Variants in EMB observed in about 807,000 individuals in gnomAD.
The protein encoded by EMB is embigin homolog.
In EMB, 31 loss-of-function variants were observed where a neutral mutation model predicts 41.4. The ratio of observed to expected loss-of-function variants is 0.75; its 90% CI spans 0.56 to 1.01. The LOEUF is 1.01. Ranked by LOEUF, EMB falls within the 50% of genes least tolerant of loss-of-function variation. The pLI, the probability that EMB is intolerant of heterozygous loss-of-function variation, is 0.00. For synonymous variants in EMB, 137 were observed against 140.4 expected, an observed-to-expected ratio of 0.98 and a Z score of 0.17; for missense variants, 379 against 388.3, an observed-to-expected ratio of 0.98 and a Z score of 0.20.
chr5:50,417,915 T>C (rs1005765589), intron 2 of EMB, among the ~76,000 whole-genome samples: 2 of 152,234 alleles, frequency 1.3e-5, no homozygotes, highest in African/African-American at 2.4e-5. Flanking sequence ...GAGATGCTAG[T>C]TGAATTTCAC....
At chr5:50,437,586 T>C (rs1745825755) in intron 1 of EMB, among the ~76,000 whole-genome samples, 1 of 152,210 alleles carries the variant, frequency 6.6e-6, no homozygotes, top group African/African-American at 2.4e-5. Flanking sequence ...GATGCTCAAT[T>C]TGTCCCAGAT....
intron 2 of EMB, among the ~76,000 whole-genome samples, chr5:50,426,232 T>C (rs1422581228): frequency 6.6e-6 from 1 of 152,192 alleles, no homozygotes; most frequent in African/African-American, 2.4e-5. Flanking sequence ...AAGCTCCAAC[T>C]CAGGAACTGT....
chr5:50,438,791 T>C (rs1362823885), intron 1 of EMB, among the ~76,000 whole-genome samples: 1 of 152,292 alleles, frequency 6.6e-6, no homozygotes, highest in Middle Eastern at 3.4e-3. Context: ...AATTTTAGCT[T>C]ACGTGGAGCT....
chr5:50,418,584 AT>A (rs1304133974), intron 2 of EMB, among the ~76,000 whole-genome samples: 3 of 152,222 alleles, frequency 2.0e-5, no homozygotes, highest in African/African-American at 4.8e-5. Flanking sequence ...TCACTCACTC[AT>A]TTAACACTTA....
Position 50,428,196 on chromosome 5 carries a change from TTC to T in EMB, c.142_143del (p.Glu48ArgfsTer6), listed in dbSNP as rs1163599478. 5.6e-6 allele frequency: 9 copies of T among 1,612,278 alleles called. No individual in the cohort carries two copies. ...AGGAAAAGTTATTTGCCATTATTTC[TTC>T]TCTGAGAGGTGGACTTGTAAAAGGC... ...DSPFTSPPLR[E>X]EIMANNFSLE... On this transcript the variant is annotated frameshift_variant, in exon 2 of 9. Coordinates refer to ENST00000303221, the MANE Select transcript of EMB (RefSeq NM_198449.3). LOFTEE classifies it high-confidence loss of function.
At chr5:50,404,437 C>G (rs1417346667) in intron 5 of EMB, among the ~76,000 whole-genome samples, 1 of 151,926 alleles carries the variant, frequency 6.6e-6, no homozygotes, top group East Asian at 1.9e-4. Flanking sequence ...TGAAAAGGCA[C>G]TTGTGCTCAA....
intron 2 of EMB, among the ~76,000 whole-genome samples, chr5:50,416,767 G>C (rs138009458): frequency 6.6e-6 from 1 of 152,062 alleles, no homozygotes; most frequent in African/African-American, 2.4e-5. Flanking sequence ...CAGAAACAAG[G>C]AAGAGGCAAC....
chr5:50,415,450 A>G (rs1745413537), intron 2 of EMB, among the ~76,000 whole-genome samples: 1 of 152,196 alleles, frequency 6.6e-6, no homozygotes, highest in Non-Finnish European at 1.5e-5. Flanking sequence ...CTATCATAAG[A>G]AACGTCAACA....
Position 50,399,923 on chromosome 5 carries a change from AAAC to A in EMB, c.912-13_912-11del, listed in dbSNP as rs758595038. On this transcript the variant is annotated splice_polypyrimidine_tract_variant and intron_variant, in intron 7 of 8. Coordinates refer to ENST00000303221, the MANE Select transcript of EMB (RefSeq NM_198449.3). ...GCTATCATCTGATTTCCTGCACAGA[AAAC>A]AAAAAAGAAAATTACTAAATGCTTA... 2.5e-6 allele frequency: 4 copies of A among 1,598,264 alleles called. No individual in the cohort carries two copies. In the South Asian group the frequency reaches 4.5e-5, roughly 18 times the overall value.
chr5:50,407,303 A>G (rs1392347465), intron 4 of EMB, among the ~76,000 whole-genome samples: 1 of 152,024 alleles, frequency 6.6e-6, no homozygotes, highest in Non-Finnish European at 1.5e-5. Flanking sequence ...ACTGCTTTTC[A>G]GTATTCCTTG....
At chr5:50,408,858 A>T (rs1296253755) in intron 4 of EMB, among the ~76,000 whole-genome samples, 3 of 152,068 alleles carry the variant, frequency 2.0e-5, no homozygotes, top group Non-Finnish European at 4.4e-5. Flanking sequence ...TCAAGTAAAA[A>T]TTATTTCTGT....
At chr5:50,422,744 G>T (rs1029815563) in intron 2 of EMB, among the ~76,000 whole-genome samples, 1 of 152,040 alleles carries the variant, frequency 6.6e-6, no homozygotes, top group Non-Finnish European at 1.5e-5. Flanking sequence ...AAAAATATTC[G>T]CAACTTCTAT....
At chr5:50,441,966 C>T (rs1391094129), upstream of EMB, among the ~76,000 whole-genome samples, 1 of 152,110 alleles carries the variant, frequency 6.6e-6, no homozygotes. Flanking sequence ...AATGCTCTTA[C>T]CCACAAGGCT....
rs1298210618 is a variant in EMB, at chr5:50,403,441, A to T, written c.614T>A (p.Val205Asp). 2.5e-6 allele frequency: 4 copies of T among 1,611,966 alleles called. No individual in the cohort carries two copies. Among genetic ancestry groups the T allele is most frequent in the African/African-American group, 1.3e-5 (1 of 74,766 alleles). ...SNGSVKVPVG[V>D]QMNKYVINGT... is the part of the protein sequence containing the mutation. ...ATTGATCACATATTTATTCATTTGA[A>T]CACCAACAGGAACCTAATATGAGGA... Residue 205 changes from valine to aspartate, a missense_variant, in exon 6 of 9, where the codon GTT becomes GAT. Transcript: ENST00000303221.
chr5:50,403,601 C>G (rs1282160564), intron 5 of EMB, 147 bp from the exon 6 acceptor site: 3 of 849,136 alleles, frequency 3.5e-6, no homozygotes, highest in Admixed American at 5.7e-5. Context: ...TTATCTATAA[C>G]AGACTTAAGT....
chr5:50,436,881 G>C (rs1408849312), intron 1 of EMB, among the ~76,000 whole-genome samples: 1 of 152,248 alleles, frequency 6.6e-6, no homozygotes, highest in Non-Finnish European at 1.5e-5. Context: ...GGAAGAGTCA[G>C]TTGCCCTAAT....
At chr5:50,442,203 C>T (rs1745926303), upstream of EMB, among the ~76,000 whole-genome samples, 1 of 146,974 alleles carries the variant, frequency 6.8e-6, no homozygotes, top group Admixed American at 6.8e-5. Context: ...AATATATCGG[C>T]GTTAAAAAAA....
At chr5:50,430,207 A>T (rs1745693975) in intron 1 of EMB, among the ~76,000 whole-genome samples, 2 of 152,182 alleles carry the variant, frequency 1.3e-5, no homozygotes, top group Non-Finnish European at 2.9e-5. Context: ...GGGGTGGATG[A>T]GAAGGAAACC....
rs1403652797 is a variant in EMB at position 50,397,882 on chromosome 5, T to A, written c.*1391A>T. On this transcript the variant is annotated 3_prime_UTR_variant, in exon 9 of 9. Transcript: ENST00000303221. ...AACAAAGTATTGAGCAGCTTCCAAG[T>A]CACTACCTTATGTGTATTATTCATA... is the stretch of plus-strand genomic sequence containing the variant. 2 of 152,040 alleles carry A rather than the reference T, an allele frequency of 1.3e-5. No homozygotes were observed. The highest frequency in any genetic ancestry group is 2.9e-5 in the Non-Finnish European group (2 of 67,972). 9.4% of individuals were successfully genotyped at this position (152,040 alleles called of 1,614,324 possible).
Sources: allele counts gnomAD v4.1 joint callset (sites outside exome capture counted in the v4.1 genomes callset), GRCh38; gene constraint gnomAD v4.1.1; transcripts MANE v1.5; gene names NCBI Gene and HGNC (gene_info 2026-07-23, HGNC 2026-07-21).